ZNF536: variants seen among roughly 807,000 people sequenced by gnomAD.
ZNF536 encodes zinc finger protein 536.
ZNF536 carries 13 observed loss-of-function variants against 84.5 expected under a neutral mutation model. That is an observed-to-expected ratio of 0.15 (90% CI 0.10 to 0.24). ZNF536 has a LOEUF of 0.24. Among genes scored for constraint, ZNF536 ranks in the 10% least tolerant of loss-of-function variants. ZNF536 has a pLI of 1.00. For missense variants in ZNF536, 1,536 were observed against 1,747.5 expected, an observed-to-expected ratio of 0.88 and a Z score of 2.16; for synonymous variants, 811 against 742.5, an observed-to-expected ratio of 1.09 and a Z score of -1.50.
At chr19:30,614,986 G>T (rs1324285119) in intron 1 of ZNF536, among the ~76,000 whole-genome samples, 1 of 55,000 alleles carries the variant, frequency 1.8e-5, no homozygotes, top group African/African-American at 6.8e-5. Context: ...TCGCTCTGTC[G>T]CCCAGGCTGG....
intron 2 of ZNF536, among the ~76,000 whole-genome samples, chr19:30,306,161 C>T (rs1395376557): frequency 1.3e-5 from 2 of 150,736 alleles, no homozygotes; most frequent in Non-Finnish European, 2.9e-5. Context: ...GCTAGCTGAC[C>T]AGGCCAGTGT....
At chr19:30,476,804 C>T (rs926981312) in intron 2 of ZNF536, among the ~76,000 whole-genome samples, 3 of 152,156 alleles carry the variant, frequency 2.0e-5, no homozygotes, top group African/African-American at 4.8e-5. Context: ...ATGTGATTTG[C>T]GAACTTCTCC....
chr19:30,588,263 A>G (rs971192194), intron 1 of ZNF536, among the ~76,000 whole-genome samples: 1 of 152,234 alleles, frequency 6.6e-6, no homozygotes, highest in African/African-American at 2.4e-5. Flanking sequence ...GAGCATCACC[A>G]CGGCAGTGGC....
intron 1 of ZNF536, among the ~76,000 whole-genome samples, chr19:30,650,476 G>A (rs2049658965): frequency 6.6e-6 from 1 of 152,114 alleles, no homozygotes; most frequent in Non-Finnish European, 1.5e-5. Context: ...GTTTTGCTTT[G>A]TTTTCACAGT....
intron 1 of ZNF536, among the ~76,000 whole-genome samples, chr19:30,383,127 G>A (rs4804928): frequency 1.3e-5 from 2 of 152,128 alleles, no homozygotes; most frequent in African/African-American, 4.8e-5. Context: ...CAGTCTCTAC[G>A]AAATGTATAA....
intron 2 of ZNF536, among the ~76,000 whole-genome samples, chr19:30,470,019 C>T (rs1322185068): frequency 2.6e-5 from 4 of 152,198 alleles, no homozygotes; most frequent in Non-Finnish European, 2.9e-5. Context: ...ACAAAGTGTA[C>T]GAGTTAGAGT....
chr19:30,631,842 G>A lies in ZNF536; in HGVS notation c.170-78915G>A, dbSNP rs549836773. ...AATAAGCACCCATCAGAGAGCACTC[G>A]AGGATTAATATGGGGGAGTTTTCAT... On this transcript the variant is annotated intron_variant, in intron 1 of 1. Coordinates refer to the ZNF536 transcript ENST00000592773. 3.3e-5 allele frequency among the ~76,000 whole-genome samples: 5 copies of A among 152,324 alleles called. No homozygotes were observed. In the South Asian group the frequency reaches 8.3e-4, roughly 25 times the overall value.
upstream of ZNF536, among the ~76,000 whole-genome samples, chr19:30,370,004 G>A (rs886477649): frequency 7.2e-5 from 11 of 152,198 alleles, no homozygotes; most frequent in Non-Finnish European, 1.5e-5. Context: ...GCACTCTAAC[G>A]TGGATGGTGA....
At chr19:30,629,403 C>G (rs1332336380) in intron 1 of ZNF536, among the ~76,000 whole-genome samples, 11 of 152,028 alleles carry the variant, frequency 7.2e-5, no homozygotes, top group Admixed American at 7.2e-4. Flanking sequence ...GCCATGTTGC[C>G]CAAGCTGGTC....
intron 1 of ZNF536, among the ~76,000 whole-genome samples, chr19:30,617,873 G>C (rs2048358805): frequency 6.6e-6 from 1 of 152,018 alleles, no homozygotes; most frequent in African/African-American, 2.4e-5. Context: ...AGAGACTGTT[G>C]GCCTATCTGT....
chr19:30,408,930 C>T (rs954363617), intron 1 of ZNF536, among the ~76,000 whole-genome samples: 7 of 151,028 alleles, frequency 4.6e-5, no homozygotes, highest in African/African-American at 1.7e-4. Context: ...TCCATTCATC[C>T]ATCCACTCAT....
chr19:30,433,637 A>G (rs146376121), intron 1 of ZNF536, among the ~76,000 whole-genome samples: 348 of 152,296 alleles, frequency 2.3e-3, no homozygotes, highest in African/African-American at 7.8e-3. Context: ...AGCTGGGATT[A>G]CAGGCATGTG....
At chr19:30,506,843 A>G (rs2055194707) in intron 2 of ZNF536, among the ~76,000 whole-genome samples, 1 of 152,238 alleles carries the variant, frequency 6.6e-6, no homozygotes, top group Non-Finnish European at 1.5e-5. Context: ...AGAAGGGTAT[A>G]AGCCAAAGAT....
In ZNF536 at chr19:30,234,859, A is replaced by G. The variant is rs1332914679; in HGVS notation, c.-190+6186A>G. On this transcript the variant is annotated intron_variant, in intron 1 of 5. Coordinates refer to the ZNF536 transcript ENST00000585628. ...ATCGAGATTAATCACAGAAATGCCC[A>G]TTCAGCCTTAATTATAATGATGGTC... Among the ~76,000 whole-genome samples the G allele has an allele frequency of 3.9e-5, 6 of 152,128 alleles. 1 individual carries two copies. The highest frequency in any genetic ancestry group is 1.4e-4 in the African/African-American group (6 of 41,424).
intron 1 of ZNF536, among the ~76,000 whole-genome samples, chr19:30,385,528 C>T (rs2049305673): frequency 6.6e-6 from 1 of 151,354 alleles, no homozygotes; most frequent in Non-Finnish European, 1.5e-5. Flanking sequence ...CTGCTTCACC[C>T]ACTGGTTCCA....
chr19:30,234,183 G>C (rs185043858), intron 1 of ZNF536, among the ~76,000 whole-genome samples: 1 of 152,294 alleles, frequency 6.6e-6, no homozygotes. Context: ...CCGTAGGCTT[G>C]AGCTGACATT....
chr19:30,423,400 G>A (rs2051066627), intron 1 of ZNF536, among the ~76,000 whole-genome samples: 1 of 152,198 alleles, frequency 6.6e-6, no homozygotes, highest in African/African-American at 2.4e-5. Flanking sequence ...GTATCCAATA[G>A]GGATACAGTA....
At chr19:30,469,392 A>G (rs2053542617) in intron 2 of ZNF536, among the ~76,000 whole-genome samples, 1 of 152,098 alleles carries the variant, frequency 6.6e-6, no homozygotes. Flanking sequence ...AGCCTGGGCA[A>G]CAGAGTGAGA....
chr19:30,254,483 G>A (rs2024799725), intron 1 of ZNF536, among the ~76,000 whole-genome samples: 1 of 150,806 alleles, frequency 6.6e-6, no homozygotes, highest in Non-Finnish European at 1.5e-5. Context: ...TTGTTCAAGT[G>A]CATTAGAGAT....
Sources: gnomAD v4.1 joint callset for allele counts (sites outside exome capture counted in the v4.1 genomes callset) on GRCh38, gnomAD v4.1.1 for gene constraint, MANE v1.5 for transcripts, NCBI Gene and HGNC (gene_info 2026-07-23, HGNC 2026-07-21) for gene names.